Variants in LRCH3 observed in about 807,000 individuals in gnomAD.
The protein encoded by LRCH3 is leucine rich repeats and calponin homology domain containing 3.
Under a neutral mutation model 104.5 loss-of-function variants are expected in LRCH3, and 68 were observed. That is an observed-to-expected ratio of 0.65 (90% confidence interval 0.54 to 0.80). The LOEUF (loss-of-function observed/expected upper bound fraction) is 0.80, where lower values mean the gene tolerates loss of function less well. Ranked by LOEUF, LRCH3 falls within the 30% of genes least tolerant of loss-of-function variation. LRCH3 has a pLI of 0.00. For missense variants in LRCH3, 951 were observed against 953.9 expected (o/e 1.00, Z 0.04); for synonymous variants, 344 against 361.3 (o/e 0.95, Z 0.54).
Position 197,875,710 on chromosome 3 carries a change from A to C in LRCH3, c.2143A>C (p.Met715Leu). The C allele has an allele frequency of 2.0e-6, 3 of 1,534,536 alleles. No homozygotes were observed. The highest frequency in any genetic ancestry group is 2.6e-6 in the Non-Finnish European group (3 of 1,146,488). Residue 715 changes from methionine to leucine, a missense_variant, in exon 20 of 21, where the codon ATG (methionine) becomes CTG (leucine). Physicochemically the swap from Met to Leu is conservative, Grantham distance 15. Coordinates refer to ENST00000425562, the MANE Select transcript of LRCH3 (RefSeq NM_001365715.1). The stretch of plus-strand genomic sequence containing the variant: ...TTCCTCATTTCAGCCTAAATTAACA[A>C]TGGCGAAATGCAGGCGAAATGTGGA... ...VPSPAVPKLT[M>L]AKCRRNVENF...
chr3:197,835,050 A>G (rs918602945), intron 8 of LRCH3, among the ~76,000 whole-genome samples: 4 of 152,176 alleles, frequency 2.6e-5, no homozygotes, highest in Non-Finnish European at 5.9e-5. Context: ...AGGCTGAGGC[A>G]GGAGAATCGC....
At chr3:197,814,680 A>G (rs1374376770) in intron 1 of LRCH3, among the ~76,000 whole-genome samples, 1 of 152,188 alleles carries the variant, frequency 6.6e-6, no homozygotes, top group African/African-American at 2.4e-5. Context: ...AAACCTCAGC[A>G]TATTTTCTGT....
At chr3:197,798,609 C>T (rs1368324867) in intron 1 of LRCH3, among the ~76,000 whole-genome samples, 1 of 152,198 alleles carries the variant, frequency 6.6e-6, no homozygotes, top group Non-Finnish European at 1.5e-5. Flanking sequence ...AGAATGAGGA[C>T]TGCTAAAATG....
At chr3:197,804,322 A>G (rs988936057) in intron 1 of LRCH3, among the ~76,000 whole-genome samples, 15 of 152,180 alleles carry the variant, frequency 9.9e-5, no homozygotes, top group Non-Finnish European at 2.2e-4. Flanking sequence ...TTATGACACC[A>G]GTTGCCTTGT....
At chr3:197,881,213 C>T (rs1194491693) in intron 20 of LRCH3, 1 of 1,004,064 alleles carries the variant, frequency 1.0e-6, no homozygotes, top group Admixed American at 5.2e-5. Context: ...TAGATTTCTG[C>T]TTTGAACTGT....
chr3:197,880,649 G>A, intron 20 of LRCH3: 1 of 1,536,728 alleles, frequency 6.5e-7, no homozygotes, highest in Non-Finnish European at 8.7e-7. Flanking sequence ...TGGGTTTTGT[G>A]GCATTTTACT....
At chr3:197,805,674 G>T (rs768121001) in intron 1 of LRCH3, among the ~76,000 whole-genome samples, 2 of 151,272 alleles carry the variant, frequency 1.3e-5, no homozygotes, top group Non-Finnish European at 1.5e-5. Flanking sequence ...AGGGGGACAT[G>T]CCTCCAAATT....
intron 10 of LRCH3, among the ~76,000 whole-genome samples, chr3:197,845,954 G>A (rs1363325315): frequency 6.6e-6 from 1 of 152,138 alleles, no homozygotes; most frequent in Non-Finnish European, 1.5e-5. Flanking sequence ...TTAGTGTTCA[G>A]GTTAGGGCAC....
At chr3:197,852,429 A>G in intron 12 of LRCH3, 132 bp from the exon 13 acceptor site, 1 of 824,270 alleles carries the variant, frequency 1.2e-6, no homozygotes, top group Non-Finnish European at 2.0e-6. Flanking sequence ...TAACTAGTAA[A>G]TCTAGAAAAA....
chr3:197,872,917 A>T (rs185985886), intron 19 of LRCH3, among the ~76,000 whole-genome samples: 1 of 152,218 alleles, frequency 6.6e-6, no homozygotes, highest in East Asian at 1.9e-4. Flanking sequence ...GTATTAGTCC[A>T]GGCCAGGAAG....
At chr3:197,792,605 A>ATAT (rs1553912026) in intron 1 of LRCH3, among the ~76,000 whole-genome samples, 3 of 52,232 alleles carry the variant, frequency 5.7e-5, no homozygotes, top group Non-Finnish European at 1.3e-4. Context: ...ATATATATAT[A>ATAT]AAATATACAT....
chr3:197,870,173 C>T lies in LRCH3; in HGVS notation c.1887C>T (p.Pro629=), dbSNP rs77281724. The change falls in exon 18 of 21, where the codon CCC becomes CCT. Residue 629 remains proline, a synonymous_variant. Transcript: ENST00000425562. ...ATATTTTTATAGGTCATGCTTCACC[C>T]CTTCCTCCATCTGCTGCACCTACCA... ...RAETNKGHAS[P]LPPSAAPTTD... The T allele has an allele frequency of 0.11, 171,017 of 1,611,702 alleles. 9,738 individuals carry two copies. The highest frequency in any genetic ancestry group is 0.13 in the African/African-American group (9,997 of 74,916).
chr3:197,829,486 C>T (rs187425682), intron 5 of LRCH3, 78 bp from the exon 6 acceptor site: 57 of 830,534 alleles, frequency 6.9e-5, no homozygotes, highest in African/African-American at 5.3e-4. Flanking sequence ...ATGTATGTTA[C>T]ATAAAATGTT....
chr3:197,806,054 G>A (rs569484018), intron 1 of LRCH3, among the ~76,000 whole-genome samples: 2 of 152,048 alleles, frequency 1.3e-5, no homozygotes, highest in Admixed American at 6.6e-5. Flanking sequence ...AGCCTCCCGA[G>A]TAGCTGGGAT....
At chr3:197,844,395 G>T (rs1738285680) in intron 10 of LRCH3, among the ~76,000 whole-genome samples, 1 of 152,024 alleles carries the variant, frequency 6.6e-6, no homozygotes, top group African/African-American at 2.4e-5. Flanking sequence ...AATGAGAATG[G>T]TTGTTGTTTT....
chr3:197,850,351 CT>C (rs199876882), intron 12 of LRCH3: 187,340 of 600,146 alleles, frequency 0.31, 4,909 homozygotes, highest in African/African-American at 0.43. Flanking sequence ...ACCATTTTTT[CT>C]TTTTTTTTTT....
At chr3:197,813,345 TTAAATCAAAA>T (rs1199563157) in intron 1 of LRCH3, among the ~76,000 whole-genome samples, 1 of 152,072 alleles carries the variant, frequency 6.6e-6, no homozygotes. Context: ...CAGTAATTAA[TTAAATCAAAA>T]TGGGTAATGA....
In LRCH3 at chr3:197,883,573, A is replaced by G; in HGVS notation, c.2241A>G (p.Glu747=). 3.9e-6 allele frequency: 6 copies of G among 1,536,000 alleles called. No homozygotes were observed. The highest frequency in any genetic ancestry group is 5.2e-6 in the Non-Finnish European group (6 of 1,146,866). ...EQLCLPLHIL[E]EKGLSQVAVT... Reference sequence around the variant, plus strand: ...TATGTTTGCCTCTCCACATTTTAGAAGAGAAAGGTTTGAGCCAGGTTGCAG... The same window carrying G: ...TATGTTTGCCTCTCCACATTTTAGAGGAGAAAGGTTTGAGCCAGGTTGCAG... The change falls in exon 21 of 21, where the codon GAA becomes GAG. Residue 747 remains glutamate, a synonymous_variant. Coordinates refer to ENST00000425562, the MANE Select transcript of LRCH3 (RefSeq NM_001365715.1). The surrounding 1 kb of genome is among the most constrained non-coding windows in gnomAD (Gnocchi z 4.2).
At chr3:197,853,655 G>T (rs769294790) in intron 13 of LRCH3, among the ~76,000 whole-genome samples, 1 of 152,182 alleles carries the variant, frequency 6.6e-6, no homozygotes, top group Non-Finnish European at 1.5e-5. Flanking sequence ...GGAGTTTCTG[G>T]TATGGAAAAG....
Sources: allele counts gnomAD v4.1 joint callset (sites outside exome capture counted in the v4.1 genomes callset), GRCh38; gene constraint gnomAD v4.1.1; non-coding constraint Gnocchi (gnomAD v3.1); transcripts MANE v1.5; gene names NCBI Gene and HGNC (gene_info 2026-07-23, HGNC 2026-07-21).